Variants in RRAGB observed in about 807,000 individuals in gnomAD.
RRAGB encodes the protein ras-related GTP-binding protein B.
In RRAGB, 6 loss-of-function variants were observed where a neutral mutation model predicts 29.3. The observed-to-expected ratio is 0.21, with a 90% CI of 0.11 to 0.40. The LOEUF is 0.40. Among genes scored for constraint, RRAGB ranks in the 10% least tolerant of loss-of-function variants. The pLI is 1.00. For missense variants in RRAGB, 184 were observed against 272.9 expected (o/e 0.67, Z 2.29); for synonymous variants, 101 against 92.5 (o/e 1.09, Z -0.53).
intron 7 of RRAGB, among the ~76,000 whole-genome samples, chrX:55,754,579 A>G (rs754672044): frequency 1.8e-5 from 2 of 112,063 alleles, no homozygotes; most frequent in Non-Finnish European, 3.8e-5. Context: ...ACAAATATCT[A>G]TATCATAGAT....
intron 5 of RRAGB, among the ~76,000 whole-genome samples, chrX:55,740,092 G>A (rs2034003656): frequency 1.8e-5 from 2 of 111,685 alleles, no homozygotes; most frequent in Admixed American, 1.9e-4. Flanking sequence ...GGAGGCCGTG[G>A]CGGGCGGATC....
intron 5 of RRAGB, among the ~76,000 whole-genome samples, chrX:55,750,184 ATGTGTGTGTGTG>A (rs141091954): frequency 8.5e-5 from 8 of 93,977 alleles, no homozygotes; most frequent in East Asian, 6.6e-4. Context: ...ATACATACGT[ATGTGTGTGTGTG>A]TGTGTGTGTG....
intron 5 of RRAGB, among the ~76,000 whole-genome samples, chrX:55,748,232 T>C (rs1398186480): frequency 1.8e-5 from 2 of 112,082 alleles, no homozygotes; most frequent in African/African-American, 3.2e-5. Context: ...CTCCACCTCC[T>C]AGCTGCCTGC....
rs1359845910 is a variant in RRAGB at position 55,749,253 on chromosome X, G to A, written c.517-1848G>A. Among the ~76,000 whole-genome samples the A allele has an allele frequency of 1.4e-4, 12 of 83,424 alleles. No homozygotes were observed. The South Asian group carries it at 4.2e-3, about 29-fold the overall frequency. 72.4% of individuals were successfully genotyped at this position (83,424 alleles called of 115,157 possible). A position where few individuals can be genotyped will look rare whatever the true frequency, so the allele number is the denominator to read the frequency against. ...AGGTGAGGGGCGCCTCTGCCCGGCC[G>A]CCCCTACTGGGAAGTGAGGAGCCCC... On this transcript the variant is annotated intron_variant, in intron 5 of 9. Transcript: ENST00000374941.
At chrX:55,747,429 G>C (rs766511533) in intron 5 of RRAGB, among the ~76,000 whole-genome samples, 2 of 111,591 alleles carry the variant, frequency 1.8e-5, no homozygotes, top group South Asian at 3.7e-4. Flanking sequence ...GCAGCTATAG[G>C]GGGTAAGAGT....
At chrX:55,720,873 G>A (rs962939657) in intron 2 of RRAGB, among the ~76,000 whole-genome samples, 1 of 109,668 alleles carries the variant, frequency 9.1e-6, no homozygotes, top group Admixed American at 9.7e-5. Context: ...GTGAGACTTG[G>A]TCTCAAAAAA....
rs2034715521 is a variant in RRAGB at position 55,758,712 on chromosome X, T to C, written c.*369T>C. On this transcript the variant is annotated 3_prime_UTR_variant, in exon 10 of 10. Coordinates refer to ENST00000374941, the MANE Select transcript of RRAGB (RefSeq NM_006064.5). ...CCTGTAAGTTTGGAGTATTACTGTTTTCTCAGCATGCATTAAAAATATTCC... is the reference window on the plus strand; with the variant it reads ...CCTGTAAGTTTGGAGTATTACTGTTCTCTCAGCATGCATTAAAAATATTCC... The C allele has an allele frequency of 8.2e-6, 1 of 122,536 alleles. No homozygotes were observed. Among genetic ancestry groups the C allele is most frequent in the Non-Finnish European group, 1.7e-5 (1 of 59,857 alleles). The allele number at this position is 122,536 out of a possible 1,213,427, so 10.1% of individuals were successfully genotyped here.
chrX:55,754,108 A>G (rs767706081), intron 7 of RRAGB, among the ~76,000 whole-genome samples: 9 of 112,605 alleles, frequency 8.0e-5, no homozygotes, highest in Non-Finnish European at 1.5e-4. Context: ...AAGGATTCCT[A>G]TTTCCTGTGG....
Position 55,743,677 on chromosome X carries a change from A to G in RRAGB, c.517-7424A>G, listed in dbSNP as rs890273340. On this transcript the variant is annotated intron_variant, in intron 5 of 9. Coordinates refer to ENST00000374941, the MANE Select transcript of RRAGB (RefSeq NM_006064.5). ...ACAAATATCCTCACATTTTTCACCC[A>G]TTCAGAAAGATCTGTGTATATACCT... Among the ~76,000 whole-genome samples, 5 of 112,389 alleles carry G rather than the reference A, an allele frequency of 4.4e-5. No individual in the cohort carries two copies. In the East Asian group the frequency reaches 1.1e-3, roughly 25 times the overall value.
At chrX:55,740,043 C>T (rs190755603) in intron 5 of RRAGB, among the ~76,000 whole-genome samples, 7 of 111,950 alleles carry the variant, frequency 6.3e-5, no homozygotes, top group African/African-American at 1.6e-4. Context: ...GTGATTTTGC[C>T]GGGCGCGGTG....
chrX:55,720,687 C>CA (rs3077387), intron 2 of RRAGB, among the ~76,000 whole-genome samples: 76 of 90,495 alleles, frequency 8.4e-4, no homozygotes, highest in African/African-American at 2.8e-3. Flanking sequence ...CTAAATATAC[C>CA]AAAAAAAAAA....
At chrX:55,749,117 G>C (rs1487165365) in intron 5 of RRAGB, among the ~76,000 whole-genome samples, 2 of 97,705 alleles carry the variant, frequency 2.0e-5, no homozygotes, top group African/African-American at 3.8e-5. Flanking sequence ...TGGTGCCTCT[G>C]CCCGGCCACC....
intron 5 of RRAGB, among the ~76,000 whole-genome samples, chrX:55,747,296 T>A (rs2034277731): frequency 8.9e-6 from 1 of 112,570 alleles, no homozygotes; most frequent in Admixed American, 9.4e-5. Context: ...GAATCCTACT[T>A]CTTCTTGGCC....
rs747406253 is a variant in RRAGB at position 55,728,962 on chromosome X, G to A, written c.227-332G>A. ...TTGTGTGTATGTGAGGTTGGTGGGG[G>A]CAAGTGGGACAGGGAAGACTGATTA... On this transcript the variant is annotated intron_variant, in intron 3 of 9. Transcript: ENST00000374941. Among the ~76,000 whole-genome samples the A allele has an allele frequency of 7.3e-5, 8 of 110,012 alleles. No individual in the cohort carries two copies. The Admixed American group carries it at 7.7e-4, about 11-fold the overall frequency.
intron 2 of RRAGB, 65 bp downstream of exon 2, chrX:55,719,412 T>G (rs1256342947): frequency 3.5e-6 from 3 of 858,666 alleles, no homozygotes; most frequent in African/African-American, 4.2e-5. Flanking sequence ...TCAGGAACTT[T>G]GTGACATATA....
At chrX:55,749,318 G>C (rs1400432501) in intron 5 of RRAGB, among the ~76,000 whole-genome samples, 2 of 93,689 alleles carry the variant, frequency 2.1e-5, no homozygotes, top group African/African-American at 8.1e-5. Flanking sequence ...GGAGGTGGGG[G>C]GGTCAGTCCC....
At position 55,731,401 on chromosome X, in the gene RRAGB, C is replaced by A. The variant is rs769920456; in HGVS notation, c.331C>A (p.Arg111=). The part of the protein sequence containing the change: ...TFMENYFTSQ[R]DNIFRNVEVL... ...CATGGAAAATTATTTCACTAGCCAACGGGACAACATCTTCCGAAATGTGGA... is the reference window on the plus strand; with the variant it reads ...CATGGAAAATTATTTCACTAGCCAAAGGGACAACATCTTCCGAAATGTGGA... The change falls in exon 5 of 10, where the codon CGG becomes AGG. Residue 111 remains arginine, a synonymous_variant. Transcript: ENST00000374941. 1 of 1,209,638 alleles carries A rather than the reference C, an allele frequency of 8.3e-7. No individual in the cohort carries two copies. The highest frequency in any genetic ancestry group is 1.1e-6 in the Non-Finnish European group (1 of 894,200).
At chrX:55,727,896 C>G (rs1602018470) in intron 3 of RRAGB, among the ~76,000 whole-genome samples, 1 of 111,181 alleles carries the variant, frequency 9.0e-6, no homozygotes, top group Non-Finnish European at 1.9e-5. Flanking sequence ...AGAGTAGATG[C>G]TTAATGAGTG....
chrX:55,757,116 A>G, intron 8 of RRAGB, 100 bp from the exon 9 acceptor site: 1 of 373,334 alleles, frequency 2.7e-6, no homozygotes, highest in Non-Finnish European at 4.8e-6. Context: ...ATTGAGGTAT[A>G]GTGCTATACC....
Sources: allele counts gnomAD v4.1 joint callset (sites outside exome capture counted in the v4.1 genomes callset), GRCh38; gene constraint gnomAD v4.1.1; transcripts MANE v1.5; gene names NCBI Gene and HGNC (gene_info 2026-07-23, HGNC 2026-07-21).